The following GRM5 variants were observed in gnomAD, a reference collection of about 807,000 sequenced individuals.
GRM5 encodes glutamate metabotropic receptor 5.
A neutral mutation model predicts 83.1 loss-of-function variants in GRM5; 19 were observed. The ratio of observed to expected loss-of-function variants is 0.23; its 90% CI spans 0.16 to 0.34. GRM5 has a LOEUF of 0.34. Ranked by LOEUF, GRM5 falls within the 10% of genes least tolerant of loss-of-function variation. The probability of loss-of-function intolerance (pLI) is 1.00; values close to 1 mark genes in which losing one functional copy is unlikely to be tolerated. For missense variants in GRM5, 1,160 were observed against 1,588.3 expected, an observed-to-expected ratio of 0.73 and a Z score of 4.58; for synonymous variants, 675 against 633.6, an observed-to-expected ratio of 1.07 and a Z score of -0.98.
intron 2 of GRM5, among the ~76,000 whole-genome samples, chr11:89,021,438 T>C (rs529464672): frequency 3.5e-4 from 53 of 152,302 alleles, no homozygotes; most frequent in Non-Finnish European, 4.9e-4. Context: ...TCAAGGAAGT[T>C]TCCAAAAGCT....
At chr11:88,673,546 T>A (rs78409323) in intron 3 of GRM5, among the ~76,000 whole-genome samples, 2,713 of 151,982 alleles carry the variant, frequency 0.018, 65 homozygotes, top group East Asian at 0.096. Context: ...TATCAATAAA[T>A]CTATATTTGG....
intron 3 of GRM5, among the ~76,000 whole-genome samples, chr11:88,766,624 G>A (rs116275935): frequency 0.016 from 2,419 of 151,892 alleles, 63 homozygotes; most frequent in African/African-American, 0.055. Flanking sequence ...CTAGGCAATC[G>A]CATTCTGGAC....
At chr11:88,539,672 C>A (rs906623104) in intron 8 of GRM5, among the ~76,000 whole-genome samples, 1 of 152,176 alleles carries the variant, frequency 6.6e-6, no homozygotes, top group Non-Finnish European at 1.5e-5. Flanking sequence ...TCTATTAATT[C>A]TTTTAAGTTA....
intron 3 of GRM5, among the ~76,000 whole-genome samples, chr11:88,721,966 T>C (rs1163858431): frequency 1.3e-5 from 2 of 152,152 alleles, no homozygotes; most frequent in African/African-American, 2.4e-5. Flanking sequence ...ATGTAAGGTG[T>C]GACTAAATGA....
At chr11:88,606,290 A>C (rs1938141299) in intron 4 of GRM5, among the ~76,000 whole-genome samples, 1 of 152,212 alleles carries the variant, frequency 6.6e-6, no homozygotes, top group Non-Finnish European at 1.5e-5. Context: ...TAGGAGGCTG[A>C]GGCGAGTGGA....
chr11:88,666,243 G>A (rs1430711814), intron 3 of GRM5, among the ~76,000 whole-genome samples: 1 of 152,170 alleles, frequency 6.6e-6, no homozygotes, highest in African/African-American at 2.4e-5. Flanking sequence ...CCACAACTGG[G>A]TAATTTATAA....
intron 3 of GRM5, among the ~76,000 whole-genome samples, chr11:88,741,426 A>G (rs918882426): frequency 2.6e-5 from 4 of 152,114 alleles, no homozygotes; most frequent in Non-Finnish European, 5.9e-5. Context: ...GATGGGGCTG[A>G]GACTTCTGAC....
intron 2 of GRM5, among the ~76,000 whole-genome samples, chr11:88,895,464 T>C (rs556596554): frequency 6.6e-5 from 10 of 152,048 alleles, no homozygotes; most frequent in East Asian, 1.9e-4. Flanking sequence ...CATGATCATA[T>C]CTTAAACCAT....
intron 2 of GRM5, among the ~76,000 whole-genome samples, chr11:89,013,186 C>T (rs1044267760): frequency 6.6e-6 from 1 of 151,978 alleles, no homozygotes; most frequent in African/African-American, 2.4e-5. Context: ...AAGTCTAATG[C>T]GATAGATGAC....
chr11:88,830,743 C>T (rs1212584343), intron 3 of GRM5, among the ~76,000 whole-genome samples: 8 of 152,134 alleles, frequency 5.3e-5, no homozygotes, highest in Non-Finnish European at 8.8e-5. Flanking sequence ...GCTGTGTATT[C>T]GTCTGTTTTT....
intron 3 of GRM5, among the ~76,000 whole-genome samples, chr11:88,665,372 G>T (rs1286804270): frequency 6.6e-6 from 1 of 152,032 alleles, no homozygotes; most frequent in Admixed American, 6.6e-5. Flanking sequence ...ATGCTTAAGA[G>T]ACCTTGATTT....
intron 3 of GRM5, among the ~76,000 whole-genome samples, chr11:88,660,902 T>C (rs1198009155): frequency 6.6e-6 from 1 of 152,230 alleles, no homozygotes; most frequent in East Asian, 1.9e-4. Context: ...TTAGCTTGAA[T>C]GCAACTTATC....
chr11:88,741,814 G>T (rs1328309416), intron 3 of GRM5, among the ~76,000 whole-genome samples: 1 of 152,006 alleles, frequency 6.6e-6, no homozygotes, highest in Non-Finnish European at 1.5e-5. Flanking sequence ...TGGTGTGTGT[G>T]GGTGGGAGGG....
At chr11:88,599,879 G>A (rs1478165460) in intron 5 of GRM5, among the ~76,000 whole-genome samples, 2 of 152,230 alleles carry the variant, frequency 1.3e-5, no homozygotes, top group East Asian at 3.9e-4. Context: ...CGGGCGTGGT[G>A]GCAGGCGCCT....
At position 89,064,921 on chromosome 11, in the gene GRM5, A is replaced by T. The variant is rs369965995; in HGVS notation, c.-201+855T>A. ...GTGTGTGTGTGTGTGTGTGTGAGAGAGAGAGAGAGAGAGAGAGAGGGAGAG... is the reference window on the plus strand; with the variant it reads ...GTGTGTGTGTGTGTGTGTGTGAGAGTGAGAGAGAGAGAGAGAGAGGGAGAG... On this transcript the variant is annotated intron_variant, in intron 1 of 9. Transcript: ENST00000305447. Among the ~76,000 whole-genome samples, 516 of 64,954 alleles carry T rather than the reference A, an allele frequency of 7.9e-3. 3 individuals are homozygous for T. Among genetic ancestry groups the T allele is most frequent in the African/African-American group, 0.021 (341 of 16,556 alleles). The allele number at this position is 64,954 out of a possible 152,430, so 42.6% of individuals were successfully genotyped here. A position where few individuals can be genotyped will look rare whatever the true frequency, so the allele number is the denominator to read the frequency against.
chr11:88,763,028 A>G (rs1437629311), intron 3 of GRM5, among the ~76,000 whole-genome samples: 1 of 151,866 alleles, frequency 6.6e-6, no homozygotes, highest in Non-Finnish European at 1.5e-5. Flanking sequence ...CAGGGGTTGG[A>G]GCGGGAAAGG....
At chr11:88,862,140 G>C (rs552914572) in intron 2 of GRM5, among the ~76,000 whole-genome samples, 1 of 152,268 alleles carries the variant, frequency 6.6e-6, no homozygotes, top group East Asian at 1.9e-4. Context: ...GGACAGCACA[G>C]CTTAGTCACA....
At chr11:88,987,952 C>A in intron 2 of GRM5, among the ~76,000 whole-genome samples, 1 of 150,748 alleles carries the variant, frequency 6.6e-6, no homozygotes, top group Non-Finnish European at 1.5e-5. Flanking sequence ...AAGCAGAGGG[C>A]CTCTCCTCCT....
In GRM5 at chr11:89,048,024, C is replaced by G; in HGVS notation, c.-152G>C. On this transcript the variant is annotated 5_prime_UTR_variant, in exon 2 of 10. Transcript: ENST00000305447. ...GTATTTTCTAAAGGACCATTTTGTC[C>G]CCATGTACCATTTAGTTAGATGATC... is the stretch of plus-strand genomic sequence containing the variant. 1 of 616,092 alleles carries G rather than the reference C, an allele frequency of 1.6e-6. No homozygotes were observed. The highest frequency in any genetic ancestry group is 2.9e-6 in the Non-Finnish European group (1 of 350,700). The allele number at this position is 616,092 out of a possible 1,614,324, so 38.2% of individuals were successfully genotyped here.
Sources: gnomAD v4.1 joint callset for allele counts (sites outside exome capture counted in the v4.1 genomes callset) on GRCh38, gnomAD v4.1.1 for gene constraint, MANE v1.5 for transcripts, NCBI Gene and HGNC (gene_info 2026-07-23, HGNC 2026-07-21) for gene names.